Variants in SAE1 observed in about 807,000 individuals in gnomAD.
SAE1 encodes the protein SUMO-activating enzyme subunit 1.
In SAE1, 11 loss-of-function variants were observed where a neutral mutation model predicts 40.6. That is an observed-to-expected ratio of 0.27 (90% CI 0.17 to 0.45). The LOEUF (loss-of-function observed/expected upper bound fraction) is 0.45, where lower values mean the gene tolerates loss of function less well. SAE1 is among the 20% of genes least tolerant of loss of function. The pLI is 1.00. For missense variants in SAE1, 373 were observed against 427.3 expected (o/e 0.87, Z 1.12); for synonymous variants, 155 against 154.3 (o/e 1.00, Z -0.03).
At chr19:47,151,708 C>T (rs954994965) in intron 3 of SAE1, among the ~76,000 whole-genome samples, 5 of 152,054 alleles carry the variant, frequency 3.3e-5, no homozygotes, top group African/African-American at 1.2e-4. Context: ...TATTTTTTAA[C>T]TTGAGGTATT....
intron 1 of SAE1, among the ~76,000 whole-genome samples, chr19:47,136,657 G>T (rs912713380): frequency 6.6e-6 from 1 of 151,990 alleles, no homozygotes; most frequent in Non-Finnish European, 1.5e-5. Flanking sequence ...CACCATGCCC[G>T]GCTAATTTTG....
chr19:47,167,489 C>G (rs2058401451), intron 5 of SAE1, among the ~76,000 whole-genome samples: 1 of 152,110 alleles, frequency 6.6e-6, no homozygotes, highest in Non-Finnish European at 1.5e-5. Context: ...ATCTGCCCGC[C>G]TTGGCCTCCC....
At chr19:47,206,116 C>G (rs796872556) in intron 8 of SAE1, among the ~76,000 whole-genome samples, 36 of 152,334 alleles carry the variant, frequency 2.4e-4, no homozygotes, top group African/African-American at 8.2e-4. Context: ...TCTCACATCC[C>G]CATCCTCACA....
intron 3 of SAE1, among the ~76,000 whole-genome samples, chr19:47,152,067 C>T (rs189257671): frequency 2.7e-4 from 41 of 152,330 alleles, no homozygotes; most frequent in African/African-American, 8.9e-4. Context: ...AGTGTTATTT[C>T]GGTATTCAGG....
intron 7 of SAE1, among the ~76,000 whole-genome samples, chr19:47,201,019 A>G (rs1392228849): frequency 6.6e-6 from 1 of 151,346 alleles, no homozygotes; most frequent in Non-Finnish European, 1.5e-5. Flanking sequence ...CACCATGCCC[A>G]GCTATTTTTT....
At position 47,194,421 on chromosome 19, in the gene SAE1, G is replaced by T. The variant is rs141957345; in HGVS notation, c.734-2812G>T. ...GTAGGAACCCTTGTCCTGGTAGAGA[G>T]TATAATTTGCTGAATAAGTCTACTT... is the stretch of plus-strand genomic sequence containing the variant. On this transcript the variant is annotated intron_variant, in intron 6 of 8. Transcript: ENST00000270225. Among the ~76,000 whole-genome samples, 411 of 152,286 alleles carry T rather than the reference G, an allele frequency of 2.7e-3. 1 individual carries two copies. The highest frequency in any genetic ancestry group is 3.4e-3 in the Non-Finnish European group (233 of 68,034).
chr19:47,166,437 G>A (rs2058392764), intron 5 of SAE1, among the ~76,000 whole-genome samples: 1 of 152,158 alleles, frequency 6.6e-6, no homozygotes, highest in Non-Finnish European at 1.5e-5. Context: ...TTGTTAGTGT[G>A]ATTTATAACT....
At chr19:47,173,541 T>C (rs908139806) in intron 6 of SAE1, among the ~76,000 whole-genome samples, 1 of 152,132 alleles carries the variant, frequency 6.6e-6, no homozygotes, top group Non-Finnish European at 1.5e-5. Flanking sequence ...AAAATCAGGA[T>C]TTCCTCACTT....
chr19:47,183,561 A>G (rs1163306169), intron 6 of SAE1, among the ~76,000 whole-genome samples: 1 of 152,068 alleles, frequency 6.6e-6, no homozygotes, highest in African/African-American at 2.4e-5. Flanking sequence ...GAGGCCCACC[A>G]AGATCAGATT....
At chr19:47,192,992 G>A (rs1209813128) in intron 6 of SAE1, among the ~76,000 whole-genome samples, 1 of 151,766 alleles carries the variant, frequency 6.6e-6, no homozygotes, top group African/African-American at 2.4e-5. Flanking sequence ...ATCTACAAAA[G>A]TAGAAGTATT....
At chr19:47,153,173 G>A in intron 4 of SAE1, 133 bp downstream of exon 4, 1 of 754,358 alleles carries the variant, frequency 1.3e-6, no homozygotes, top group Non-Finnish European at 1.9e-6. Context: ...GAACTCCTGG[G>A]CTCAAGTGAT....
Position 47,143,552 on chromosome 19 carries a change from A to G in SAE1, c.157A>G (p.Lys53Glu), listed in dbSNP as rs1419540790. ...GLKGLGAEIA[K>E]NLILAGVKGL... ...GAAAGGACTTGGGGCTGAAATTGCC[A>G]AGAATCTCATCTTGGCAGGAGTGAA... The change falls in exon 2 of 9, where the codon AAG becomes GAG. Residue 53 changes from lysine (K) to glutamate (E), a missense_variant. Around this residue, in one of 3 missense-constraint regions of SAE1, gnomAD observed 351 missense variants for 390.6 expected, o/e 0.90. Transcript: ENST00000270225. The G allele has an allele frequency of 1.9e-6, 3 of 1,614,082 alleles. No individual in the cohort carries two copies. The highest frequency in any genetic ancestry group is 2.2e-5 in the East Asian group (1 of 44,882).
intron 6 of SAE1, among the ~76,000 whole-genome samples, chr19:47,172,159 T>TC (rs1378504726): frequency 6.6e-6 from 1 of 152,236 alleles, no homozygotes; most frequent in East Asian, 1.9e-4. Flanking sequence ...CCTCAGATGA[T>TC]CCACCTGCCT....
intron 6 of SAE1, among the ~76,000 whole-genome samples, chr19:47,183,339 G>T (rs1230155540): frequency 6.6e-6 from 1 of 151,840 alleles, no homozygotes; most frequent in Non-Finnish European, 1.5e-5. Context: ...ATTTGTCCAG[G>T]GTCATCACAC....
chr19:47,193,248 A>T (rs1420165624), intron 6 of SAE1, among the ~76,000 whole-genome samples: 2 of 151,546 alleles, frequency 1.3e-5, no homozygotes, highest in East Asian at 1.9e-4. Context: ...TTTAGTAGAG[A>T]TGGGGTTTCG....
In SAE1 at chr19:47,164,639, CTTTTTTTTTTT is replaced by C. The variant is rs1166301382; in HGVS notation, c.628-5162_628-5152del. Among the ~76,000 whole-genome samples the C allele has an allele frequency of 6.4e-4, 50 of 78,396 alleles. 1 individual carries two copies. The East Asian group carries it at 0.01, about 16-fold the overall frequency. 51.4% of individuals were successfully genotyped at this position (78,396 alleles called of 152,430 possible). A position where few individuals can be genotyped will look rare whatever the true frequency, so the allele number is the denominator to read the frequency against. On this transcript the variant is annotated intron_variant, in intron 5 of 8. Coordinates refer to ENST00000270225, the MANE Select transcript of SAE1 (RefSeq NM_005500.3). ...TTGATGGGCTATGTGGAGAATTCAC[CTTTTTTTTTTT>C]TTTTTTTTTTTTTTTTGAGACAGAG...
chr19:47,156,468 ACT>A (rs146568647), intron 5 of SAE1, among the ~76,000 whole-genome samples: 8,735 of 151,296 alleles, frequency 0.058, 349 homozygotes, highest in Non-Finnish European at 0.092. Context: ...ACAGAACGAG[ACT>A]CTGTCTCCAA....
chr19:47,183,746 A>T (rs2058525693), intron 6 of SAE1, among the ~76,000 whole-genome samples: 1 of 152,208 alleles, frequency 6.6e-6, no homozygotes, highest in African/African-American at 2.4e-5. Flanking sequence ...CTGTCAGACA[A>T]CAGTCACGGG....
intron 6 of SAE1, among the ~76,000 whole-genome samples, chr19:47,176,828 G>A (rs982577891): frequency 6.6e-6 from 1 of 152,164 alleles, no homozygotes; most frequent in Non-Finnish European, 1.5e-5. Flanking sequence ...TGAGCAAAAG[G>A]TCTCTTCTTT....
Sources: gnomAD v4.1 joint callset for allele counts (sites outside exome capture counted in the v4.1 genomes callset) on GRCh38, gnomAD v4.1.1 for gene constraint, gnomAD v4.1.1 regional missense constraint, MANE v1.5 for transcripts, NCBI Gene and HGNC (gene_info 2026-07-23, HGNC 2026-07-21) for gene names.